LONRF1: variants seen among roughly 807,000 people sequenced by gnomAD.
LONRF1 encodes the protein LON peptidase N-terminal domain and RING finger protein 1.
In LONRF1, 37 loss-of-function variants were observed where a neutral mutation model predicts 85.8. That is an observed-to-expected ratio of 0.43 (90% confidence interval 0.33 to 0.57). The LOEUF (loss-of-function observed/expected upper bound fraction) is 0.57. LONRF1 is among the 20% of genes least tolerant of loss of function. The pLI is 0.04. For missense variants in LONRF1, 1,036 were observed against 978.0 expected (o/e 1.06, Z -0.79); for synonymous variants, 517 against 390.1 (o/e 1.33, Z -3.83).
chr8:12,726,284 T>C (rs540816322), intron 10 of LONRF1, among the ~76,000 whole-genome samples: 4 of 152,126 alleles, frequency 2.6e-5, no homozygotes, highest in Non-Finnish European at 5.9e-5. Flanking sequence ...AAAGAAAAGA[T>C]AAGTAGTTAG....
intron 1 of LONRF1, 129 bp from the exon 2 acceptor site, chr8:12,743,411 A>T (rs1019331960): frequency 2.3e-5 from 15 of 643,200 alleles, no homozygotes; most frequent in Non-Finnish European, 3.7e-5. Context: ...ACTAAAGTCT[A>T]TAAGCCAAAG....
At chr8:12,754,638 C>T (rs992082892) in intron 1 of LONRF1, 62 bp downstream of exon 1, 84 of 1,257,732 alleles carry the variant, frequency 6.7e-5, no homozygotes, top group African/African-American at 1.7e-4. Flanking sequence ...GCTCCGGGTC[C>T]CCGGCCCTCG....
At chr8:12,733,752 C>T (rs1305255939) in intron 7 of LONRF1, among the ~76,000 whole-genome samples, 1 of 151,972 alleles carries the variant, frequency 6.6e-6, no homozygotes, top group Non-Finnish European at 1.5e-5. Context: ...GCTATAAAAA[C>T]AATGTATCTA....
At chr8:12,748,888 G>A (rs1048511675) in intron 1 of LONRF1, among the ~76,000 whole-genome samples, 2 of 151,286 alleles carry the variant, frequency 1.3e-5, no homozygotes, top group African/African-American at 4.9e-5. Flanking sequence ...AAGCTGCCAA[G>A]TGATAAGCTG....
chr8:12,753,376 G>T (rs141698335), intron 1 of LONRF1: 1 of 152,342 alleles, frequency 6.6e-6, no homozygotes, highest in Non-Finnish European at 1.5e-5. Context: ...TATTCTAGAT[G>T]TCTGTTTTCT....
At position 12,738,104 on chromosome 8, in the gene LONRF1, C is replaced by T; in HGVS notation, c.1004G>A (p.Gly335Asp). The T allele has an allele frequency of 1.9e-6, 3 of 1,600,172 alleles. No homozygotes were observed. The highest frequency in any genetic ancestry group is 1.3e-5 in the African/African-American group (1 of 74,554). Residue 335 changes from glycine to aspartate, a missense_variant, in exon 4 of 12, where the codon GGC (glycine) becomes GAC (aspartate). Physicochemically the swap from Gly to Asp is moderately conservative, Grantham distance 94. Transcript: ENST00000398246. ...DLLLPENLKE[G>D]LKESSWSSLP... ...TGAACTCCAGGAAGATTCCTTCAGG[C>T]CTTCTTTTAAGTTTTCAGGTAATAA...
chr8:12,736,656 T>A (rs1408307359), intron 6 of LONRF1, 45 bp downstream of exon 6: 1 of 1,251,550 alleles, frequency 8.0e-7, no homozygotes, highest in Non-Finnish European at 1.1e-6. Context: ...ATTTTATGTA[T>A]ACTAACATAA....
intron 3 of LONRF1, 84 bp downstream of exon 3, chr8:12,740,790 A>T: frequency 6.6e-7 from 1 of 1,514,574 alleles, no homozygotes; most frequent in African/African-American, 1.4e-5. Context: ...TTATGTTCTT[A>T]TTCCAACTTT....
intron 1 of LONRF1, among the ~76,000 whole-genome samples, chr8:12,752,459 T>C (rs910039487): frequency 6.6e-6 from 1 of 152,182 alleles, no homozygotes; most frequent in Non-Finnish European, 1.5e-5. Flanking sequence ...CATTCAGACA[T>C]TTTCAAGCAT....
At chr8:12,753,481 C>T (rs143698716) in intron 1 of LONRF1, 95 of 152,250 alleles carry the variant, frequency 6.2e-4, no homozygotes, top group African/African-American at 2.2e-3. Flanking sequence ...GCACTTGGGG[C>T]CTGATAATTC....
intron 4 of LONRF1, 78 bp downstream of exon 4, chr8:12,737,917 G>T: frequency 1.4e-6 from 2 of 1,456,312 alleles, no homozygotes; most frequent in East Asian, 2.5e-5. Flanking sequence ...GCTAGTACTT[G>T]AAACTAGGAA....
chr8:12,727,683 T>C (rs117149271), intron 10 of LONRF1, among the ~76,000 whole-genome samples: 1,839 of 152,290 alleles, frequency 0.012, 17 homozygotes, highest in Non-Finnish European at 0.019. Flanking sequence ...AAAACTGAAA[T>C]ATGGTTATTA....
chr8:12,736,021 G>C (rs1241284912), intron 6 of LONRF1, among the ~76,000 whole-genome samples: 3 of 152,118 alleles, frequency 2.0e-5, no homozygotes, highest in Non-Finnish European at 4.4e-5. Flanking sequence ...GCTAGAAATA[G>C]ATTTAGAGGT....
Position 12,755,328 on chromosome 8 carries a change from G to T in LONRF1, c.93C>A (p.Gly31=), listed in dbSNP as rs1024615341. 1 of 1,254,556 alleles carries T rather than the reference G, an allele frequency of 8.0e-7. No individual in the cohort carries two copies. Among genetic ancestry groups the T allele is most frequent in the Admixed American group, 3.7e-5 (1 of 27,146 alleles). The allele number at this position is 1,254,556 out of a possible 1,614,324, so 77.7% of individuals were successfully genotyped here. A position where few individuals can be genotyped will look rare whatever the true frequency, so the allele number is the denominator to read the frequency against. The change falls in exon 1 of 12, where the codon GGC becomes GGA. Residue 31 remains glycine, a synonymous_variant. Coordinates refer to ENST00000398246, the MANE Select transcript of LONRF1 (RefSeq NM_152271.5). Reference sequence around the variant, plus strand: ...GCTCCAGCCGATGGCCGCTGCCGCCGCCCACTTCCCAGAACCGGCCTCGGC... The same window carrying T: ...GCTCCAGCCGATGGCCGCTGCCGCCTCCCACTTCCCAGAACCGGCCTCGGC... ...PQGRGRFWEV[G]GGSGHRLERA...
chr8:12,725,302 G>A (rs1798249749), intron 11 of LONRF1, among the ~76,000 whole-genome samples: 3 of 152,196 alleles, frequency 2.0e-5, no homozygotes, highest in African/African-American at 7.2e-5. Context: ...AAAGAAAGGT[G>A]AGAAAAGATG....
intron 2 of LONRF1, 139 bp downstream of exon 2, chr8:12,743,025 T>C (rs1012962853): frequency 4.6e-6 from 3 of 649,100 alleles, no homozygotes; most frequent in Non-Finnish European, 8.2e-6. Context: ...TGCACCTAGG[T>C]GAACCTATAT....
chr8:12,729,198 A>G lies in LONRF1; in HGVS notation c.1823T>C (p.Met608Thr). 1 of 1,614,008 alleles carries G rather than the reference A, an allele frequency of 6.2e-7. No homozygotes were observed. The highest frequency in any genetic ancestry group is 8.5e-7 in the Non-Finnish European group (1 of 1,179,900). Residue 608 changes from methionine (M) to threonine (T), a missense_variant, in exon 9 of 12, where the codon ATG becomes ACG. Physicochemically the swap from Met to Thr is moderately conservative, Grantham distance 81. This residue lies in a region of LONRF1 where 265 missense variants were observed against 301.5 expected (regional missense o/e 0.88). Coordinates refer to ENST00000398246, the MANE Select transcript of LONRF1 (RefSeq NM_152271.5). ...SIQTGTKQFG[M>T]CVSDTQNSFA... is the part of the protein sequence containing the mutation. ...CCTATTTTGTGTATCACTGACACAC[A>G]TGCCAAACTGTTTGGTTCCAGTCTG...
At chr8:12,731,063 T>A (rs1205160903) in intron 8 of LONRF1, among the ~76,000 whole-genome samples, 1 of 151,966 alleles carries the variant, frequency 6.6e-6, no homozygotes, top group African/African-American at 2.4e-5. Flanking sequence ...GAAAGACATT[T>A]AGGGAAAAGA....
At chr8:12,752,029 G>C (rs1014189280) in intron 1 of LONRF1, among the ~76,000 whole-genome samples, 11 of 152,172 alleles carry the variant, frequency 7.2e-5, no homozygotes, top group African/African-American at 2.7e-4. Flanking sequence ...TTTGGCAAAG[G>C]TTTTCAAGCT....
Sources: gnomAD v4.1 joint callset for allele counts (sites outside exome capture counted in the v4.1 genomes callset) on GRCh38, gnomAD v4.1.1 for gene constraint, gnomAD v4.1.1 regional missense constraint, MANE v1.5 for transcripts, NCBI Gene and HGNC (gene_info 2026-07-23, HGNC 2026-07-21) for gene names.